Variants in SCN8A observed in about 807,000 individuals in gnomAD.
SCN8A encodes sodium voltage-gated channel alpha subunit 8, also known as sodium channel protein type 8 subunit alpha.
A neutral mutation model predicts 184.1 loss-of-function variants in SCN8A; 30 were observed. The ratio of observed to expected loss-of-function variants is 0.16; its 90% CI spans 0.12 to 0.22. The LOEUF is 0.22. Ranked by LOEUF, SCN8A falls within the 10% of genes least tolerant of loss-of-function variation. The probability of loss-of-function intolerance (pLI) is 1.00; values close to 1 mark genes in which losing one functional copy is unlikely to be tolerated. For synonymous variants in SCN8A, 852 were observed against 907.0 expected, an observed-to-expected ratio of 0.94 and a Z score of 1.09; for missense variants, 1,057 against 2,498.9, an observed-to-expected ratio of 0.42 and a Z score of 12.30.
chr12:51,623,921 A>G (rs1159178201), intron 1 of SCN8A, among the ~76,000 whole-genome samples: 2 of 152,168 alleles, frequency 1.3e-5, no homozygotes, highest in African/African-American at 4.8e-5. Context: ...AGCTTCATCC[A>G]TGTCCCTACA....
chr12:51,756,274 C>T (rs571255501), intron 14 of SCN8A, among the ~76,000 whole-genome samples: 3 of 152,130 alleles, frequency 2.0e-5, no homozygotes, highest in East Asian at 1.9e-4. Context: ...CCAAACTAGG[C>T]GACATCCTCC....
intron 1 of SCN8A, among the ~76,000 whole-genome samples, chr12:51,642,993 A>G (rs959573693): frequency 1.3e-5 from 2 of 152,096 alleles, no homozygotes; most frequent in Non-Finnish European, 2.9e-5. Flanking sequence ...AGCCACACTG[A>G]AGGCTGGGTG....
chr12:51,797,443 G>T (rs1565930385), intron 26 of SCN8A, among the ~76,000 whole-genome samples: 1 of 152,164 alleles, frequency 6.6e-6, no homozygotes, highest in African/African-American at 2.4e-5. Flanking sequence ...CTTCATTTCT[G>T]CAACTGGTCA....
intron 2 of SCN8A, 38 bp from the exon 3 acceptor site, chr12:51,684,136 C>T: frequency 1.0e-6 from 1 of 981,090 alleles, no homozygotes; most frequent in Non-Finnish European, 1.7e-6. Flanking sequence ...GACTCATACC[C>T]ATGCTTTAAT....
intron 1 of SCN8A, among the ~76,000 whole-genome samples, chr12:51,614,068 T>G (rs1939780336): frequency 1.3e-5 from 2 of 152,140 alleles, no homozygotes; most frequent in Non-Finnish European, 2.9e-5. Flanking sequence ...TCAAGTTGGT[T>G]GATGGTGGTG....
rs558383849 is a variant in SCN8A, at chr12:51,717,282, T to A, written c.1636-4264T>A. 3.3e-5 allele frequency among the ~76,000 whole-genome samples: 5 copies of A among 152,358 alleles called. No individual in the cohort carries two copies. The South Asian group carries it at 1.0e-3, about 32-fold the overall frequency. ...AGACACCATCTTCTGGCCAGCCACATTGTTTAGAGCAGTGTTTCTCAAGTT... is the reference window on the plus strand; with the variant it reads ...AGACACCATCTTCTGGCCAGCCACAATGTTTAGAGCAGTGTTTCTCAAGTT... On this transcript the variant is annotated intron_variant, in intron 11 of 26. Coordinates refer to ENST00000627620, the MANE Select transcript of SCN8A (RefSeq NM_001330260.2).
chr12:51,681,765 G>T lies in SCN8A; in HGVS notation c.277-2409G>T, dbSNP rs193026690. The stretch of plus-strand genomic sequence containing the variant: ...TAGCTCAATACTTTTCCATTGGGAA[G>T]AGAATGACGTGACTCTGGTAGATTA... On this transcript the variant is annotated intron_variant, in intron 2 of 26. Transcript: ENST00000627620. Among the ~76,000 whole-genome samples the T allele has an allele frequency of 2.6e-5, 4 of 152,338 alleles. No homozygotes were observed. The East Asian group carries it at 7.7e-4, about 29-fold the overall frequency.
At chr12:51,633,717 C>T (rs115081505) in intron 1 of SCN8A, among the ~76,000 whole-genome samples, 242 of 152,242 alleles carry the variant, frequency 1.6e-3, no homozygotes, top group African/African-American at 5.6e-3. Flanking sequence ...CTATAGACGT[C>T]CTGGTTGCTG....
intron 1 of SCN8A, among the ~76,000 whole-genome samples, chr12:51,624,373 C>T (rs1940029708): frequency 6.6e-6 from 1 of 152,172 alleles, no homozygotes; most frequent in Non-Finnish European, 1.5e-5. Flanking sequence ...TGATGATGAG[C>T]ATTTTTTCAT....
At chr12:51,646,769 A>G (rs971163364) in intron 1 of SCN8A, among the ~76,000 whole-genome samples, 2 of 152,208 alleles carry the variant, frequency 1.3e-5, no homozygotes, top group Admixed American at 1.3e-4. Flanking sequence ...GAAACATGGA[A>G]AGCAAGTTAA....
intron 6 of SCN8A, among the ~76,000 whole-genome samples, chr12:51,698,668 A>G (rs555695406): frequency 6.6e-6 from 1 of 152,380 alleles, no homozygotes; most frequent in Non-Finnish European, 1.5e-5. Flanking sequence ...CTTACATTTA[A>G]ACTTTAAATT....
chr12:51,729,251 G>T (rs1457086741), intron 12 of SCN8A, among the ~76,000 whole-genome samples: 1 of 152,150 alleles, frequency 6.6e-6, no homozygotes, highest in Non-Finnish European at 1.5e-5. Flanking sequence ...AGGTGGAGAA[G>T]GAGTTATCTG....
chr12:51,653,773 C>T (rs1376093710), intron 1 of SCN8A, among the ~76,000 whole-genome samples: 1 of 152,160 alleles, frequency 6.6e-6, no homozygotes, highest in African/African-American at 2.4e-5. Context: ...CACCATTTTC[C>T]TTTACCACCA....
rs566830659 is a variant in SCN8A, at chr12:51,645,044, C to T, written c.-54-17720C>T. 5.7e-3 allele frequency among the ~76,000 whole-genome samples: 872 copies of T among 151,658 alleles called. 3 individuals carry two copies. The highest frequency in any genetic ancestry group is 0.02 in the African/African-American group (810 of 41,294). ...GAGGGAGGTGGGGGGGTCAGCCCCC[C>T]ACCCGGCCAGCCGCCCCGTCCGGGA... On this transcript the variant is annotated intron_variant, in intron 1 of 26. Transcript: ENST00000627620.
intron 14 of SCN8A, among the ~76,000 whole-genome samples, chr12:51,754,263 G>T (rs1037645194): frequency 6.6e-6 from 1 of 151,522 alleles, no homozygotes; most frequent in African/African-American, 2.4e-5. Flanking sequence ...AAGTTTATGA[G>T]GTGACTTTTT....
At chr12:51,764,657 A>G (rs73299715) in intron 15 of SCN8A, among the ~76,000 whole-genome samples, 13,985 of 152,154 alleles carry the variant, frequency 0.092, 1,265 homozygotes, top group African/African-American at 0.24. Flanking sequence ...ATAAATAAAT[A>G]AAAAATAATT....
In SCN8A at chr12:51,721,105, AT is replaced by A. The variant is rs1565899390; in HGVS notation, c.1636-440del. Among the ~76,000 whole-genome samples, 84 of 107,892 alleles carry A rather than the reference AT, an allele frequency of 7.8e-4. 3 individuals are homozygous for A. Among genetic ancestry groups the A allele is most frequent in the African/African-American group, 2.3e-3 (60 of 26,626 alleles). 70.8% of individuals were successfully genotyped at this position (107,892 alleles called of 152,430 possible). ...ATTATATATATATATATATATATAT[AT>A]AATATTTATTTATTGTTATATATAT... On this transcript the variant is annotated intron_variant, in intron 11 of 26. Coordinates refer to ENST00000627620, the MANE Select transcript of SCN8A (RefSeq NM_001330260.2).
chr12:51,656,995 T>C (rs1940834030), intron 1 of SCN8A, among the ~76,000 whole-genome samples: 1 of 152,132 alleles, frequency 6.6e-6, no homozygotes, highest in African/African-American at 2.4e-5. Flanking sequence ...GAATTACCAA[T>C]TCCACTCCTA....
intron 1 of SCN8A, among the ~76,000 whole-genome samples, chr12:51,600,397 C>T (rs72644887): frequency 0.023 from 3,470 of 152,236 alleles, 186 homozygotes; most frequent in East Asian, 0.18. Flanking sequence ...TGCTTCATGA[C>T]AGCCATACTA....
Sources: gnomAD v4.1 joint callset for allele counts (sites outside exome capture counted in the v4.1 genomes callset) on GRCh38, gnomAD v4.1.1 for gene constraint, MANE v1.5 for transcripts, NCBI Gene and HGNC (gene_info 2026-07-23, HGNC 2026-07-21) for gene names.